Variants in DNAAF9 observed in about 807,000 individuals in gnomAD.
The protein encoded by DNAAF9 is shulin.
A neutral mutation model predicts 167.0 loss-of-function variants in DNAAF9; 90 were observed. The ratio of observed to expected loss-of-function variants is 0.54; its 90% CI spans 0.45 to 0.64. DNAAF9 has a LOEUF of 0.64. Ranked by LOEUF, DNAAF9 falls within the 30% of genes least tolerant of loss-of-function variation. The probability of loss-of-function intolerance (pLI) is 0.00; values close to 1 mark genes in which losing one functional copy is unlikely to be tolerated. For missense variants in DNAAF9, 1,315 were observed against 1,442.2 expected (o/e 0.91, Z 1.43); for synonymous variants, 491 against 508.8 (o/e 0.96, Z 0.47).
chr20:3,391,737 C>T (rs912763708), intron 1 of DNAAF9, among the ~76,000 whole-genome samples: 3 of 151,994 alleles, frequency 2.0e-5, no homozygotes, highest in Non-Finnish European at 2.9e-5. Context: ...TGCGCAACCA[C>T]GCCTGGCTAA....
intron 27 of DNAAF9, among the ~76,000 whole-genome samples, chr20:3,285,144 C>G (rs993394315): frequency 1.3e-5 from 2 of 152,214 alleles, no homozygotes; most frequent in Non-Finnish European, 2.9e-5. Context: ...TGTCAAAGTT[C>G]AATTCTATTG....
intron 3 of DNAAF9, among the ~76,000 whole-genome samples, chr20:3,379,934 T>C (rs2083625060): frequency 6.6e-6 from 1 of 152,122 alleles, no homozygotes; most frequent in Non-Finnish European, 1.5e-5. Flanking sequence ...GGTGCATGCC[T>C]GTAATCCCGG....
intron 7 of DNAAF9, among the ~76,000 whole-genome samples, chr20:3,353,778 C>G (rs2083248133): frequency 1.3e-5 from 2 of 149,330 alleles, no homozygotes; most frequent in South Asian, 4.2e-4. Context: ...TGACAGGAAG[C>G]AGTCACACAG....
At chr20:3,359,679 CTT>C (rs918993359) in intron 6 of DNAAF9, 86 bp from the exon 7 acceptor site, 1 of 954,666 alleles carries the variant, frequency 1.0e-6, no homozygotes, top group Non-Finnish European at 1.6e-6. Flanking sequence ...AGAAATGACT[CTT>C]TTGGTATAAA....
intron 7 of DNAAF9, among the ~76,000 whole-genome samples, chr20:3,349,682 C>G (rs1008174385): frequency 6.6e-6 from 1 of 152,104 alleles, no homozygotes; most frequent in Non-Finnish European, 1.5e-5. Flanking sequence ...TTTTAGCATC[C>G]TTTCTGAACT....
At chr20:3,269,484 A>G (rs1017576624) in intron 30 of DNAAF9, among the ~76,000 whole-genome samples, 4 of 152,030 alleles carry the variant, frequency 2.6e-5, no homozygotes, top group Admixed American at 1.3e-4. Flanking sequence ...TTACAGGTTG[A>G]GCCATCACAT....
At chr20:3,267,230 GTTCT>G (rs2122785107) in intron 30 of DNAAF9, among the ~76,000 whole-genome samples, 1 of 152,206 alleles carries the variant, frequency 6.6e-6, no homozygotes, top group South Asian at 2.1e-4. Flanking sequence ...TATTATCATG[GTTCT>G]TTCTTATCCC....
At chr20:3,312,130 A>T (rs1222850729) in intron 20 of DNAAF9, among the ~76,000 whole-genome samples, 1 of 152,060 alleles carries the variant, frequency 6.6e-6, no homozygotes, top group Non-Finnish European at 1.5e-5. Flanking sequence ...CTGGGATTAC[A>T]GGCATGCGTC....
At chr20:3,402,520 T>C (rs1188054224) in intron 1 of DNAAF9, among the ~76,000 whole-genome samples, 1 of 152,062 alleles carries the variant, frequency 6.6e-6, no homozygotes, top group Admixed American at 6.6e-5. Context: ...AATCAACATC[T>C]CCCCATCCCC....
chr20:3,401,825 C>G (rs1457626962), intron 1 of DNAAF9, among the ~76,000 whole-genome samples: 1 of 150,100 alleles, frequency 6.7e-6, no homozygotes, highest in African/African-American at 2.5e-5. Flanking sequence ...CCTATGTCAC[C>G]CAAGCTACCT....
chr20:3,255,616 C>A (rs556600934), intron 34 of DNAAF9, among the ~76,000 whole-genome samples: 4 of 152,134 alleles, frequency 2.6e-5, no homozygotes, highest in Non-Finnish European at 5.9e-5. Flanking sequence ...AGTCAAGAAC[C>A]GTTTAGAAGC....
At chr20:3,343,380 C>T (rs1371549152) in intron 9 of DNAAF9, among the ~76,000 whole-genome samples, 2 of 152,182 alleles carry the variant, frequency 1.3e-5, no homozygotes, top group Non-Finnish European at 2.9e-5. Context: ...CTCCTGACCT[C>T]AGGTGATCTG....
chr20:3,397,719 T>G (rs199731449), intron 1 of DNAAF9, among the ~76,000 whole-genome samples: 120 of 147,222 alleles, frequency 8.2e-4, no homozygotes, highest in Admixed American at 4.3e-3. Context: ...AGATTTTTTT[T>G]GGGGGGGGGG....
chr20:3,339,587 AC>A (rs1314062920), intron 10 of DNAAF9, among the ~76,000 whole-genome samples: 1 of 152,030 alleles, frequency 6.6e-6, no homozygotes. Flanking sequence ...GTCAGCAGTA[AC>A]CCCCTATTAT....
rs368797705 is a variant in DNAAF9, at chr20:3,319,703, T to G, written c.1357-1303A>C. Among the ~76,000 whole-genome samples, 12 of 152,148 alleles carry G rather than the reference T, an allele frequency of 7.9e-5. No individual in the cohort carries two copies. The South Asian group carries it at 2.5e-3, about 32-fold the overall frequency. ...GGCTCTTGAACGGATTGCTGAATTT[T>G]CAAATAAAAACTTAAAGAGGCCACA... On this transcript the variant is annotated intron_variant, in intron 16 of 36. Coordinates refer to ENST00000252032, the MANE Select transcript of DNAAF9 (RefSeq NM_001009984.3).
chr20:3,339,608 C>T (rs993059654), intron 10 of DNAAF9, among the ~76,000 whole-genome samples: 13 of 152,166 alleles, frequency 8.5e-5, no homozygotes, highest in Admixed American at 7.9e-4. Context: ...TATTGTAGAC[C>T]TCTGCTAAGG....
intron 29 of DNAAF9, among the ~76,000 whole-genome samples, chr20:3,275,782 C>T (rs113999902): frequency 0.013 from 2,043 of 152,322 alleles, 43 homozygotes; most frequent in African/African-American, 0.046. Flanking sequence ...CAAGGTCTCA[C>T]CAGTCTGGGC....
At chr20:3,259,057 GA>G (rs2068332369) in intron 33 of DNAAF9, among the ~76,000 whole-genome samples, 1 of 152,206 alleles carries the variant, frequency 6.6e-6, no homozygotes, top group Non-Finnish European at 1.5e-5. Flanking sequence ...CTACTAGTCA[GA>G]AGAGAGGAGA....
At chr20:3,361,773 A>C in intron 6 of DNAAF9, 1 of 1,033,932 alleles carries the variant, frequency 9.7e-7, no homozygotes, top group Non-Finnish European at 1.4e-6. Flanking sequence ...CCTTTCCAGT[A>C]CTCTGAGGTC....
Sources: allele counts gnomAD v4.1 joint callset (sites outside exome capture counted in the v4.1 genomes callset), GRCh38; gene constraint gnomAD v4.1.1; transcripts MANE v1.5; gene names NCBI Gene and HGNC (gene_info 2026-07-23, HGNC 2026-07-21).